Variants in CFAP47 observed in about 807,000 individuals in gnomAD.
The protein encoded by CFAP47 is cilia- and flagella-associated protein 47.
CFAP47 carries 29 observed loss-of-function variants against 148.1 expected under a neutral mutation model. That is an observed-to-expected ratio of 0.20 (90% CI 0.15 to 0.27). The LOEUF is 0.27. Ranked by LOEUF, CFAP47 falls within the 10% of genes least tolerant of loss-of-function variation. The pLI is 1.00. For synonymous variants in CFAP47, 664 were observed against 577.3 expected (o/e 1.15, Z -2.15); for missense variants, 1,872 against 1,697.5 (o/e 1.10, Z -1.81).
chrX:36,099,426 T>C (rs1938334797), intron 31 of CFAP47, among the ~76,000 whole-genome samples: 1 of 108,764 alleles, frequency 9.2e-6, no homozygotes, highest in African/African-American at 3.3e-5. Context: ...GCCTGTTCTT[T>C]GGCACTATGC....
At chrX:36,287,650 A>G (rs1294685800) in intron 51 of CFAP47, among the ~76,000 whole-genome samples, 1 of 111,362 alleles carries the variant, frequency 9.0e-6, no homozygotes, top group African/African-American at 3.3e-5. Context: ...TTAAATGTTC[A>G]CATTTAACTG....
intron 40 of CFAP47, among the ~76,000 whole-genome samples, chrX:36,180,321 T>A (rs1398357801): frequency 1.8e-5 from 2 of 112,073 alleles, no homozygotes; most frequent in Non-Finnish European, 3.8e-5. Context: ...TTAAGTACAA[T>A]TAAAAACAAT....
intron 17 of CFAP47, among the ~76,000 whole-genome samples, chrX:35,992,412 A>G (rs1275770494): frequency 9.1e-6 from 1 of 110,191 alleles, no homozygotes; most frequent in African/African-American, 3.3e-5. Context: ...TGAAAAATGT[A>G]GTAAGACCGG....
intron 26 of CFAP47, among the ~76,000 whole-genome samples, chrX:36,055,909 AG>A (rs1937551020): frequency 9.0e-6 from 1 of 110,885 alleles, no homozygotes; most frequent in African/African-American, 3.3e-5. Context: ...TCTAATGACC[AG>A]TGATGTTGAG....
intron 22 of CFAP47, among the ~76,000 whole-genome samples, chrX:36,019,294 G>A (rs1457435332): frequency 8.9e-6 from 1 of 111,912 alleles, no homozygotes; most frequent in African/African-American, 3.2e-5. Context: ...GAGGTCCTGA[G>A]TAAACATCAC....
rs1937788036 is a variant in CFAP47 at position 36,073,223 on chromosome X, A to G, written c.4550A>G (p.Tyr1517Cys). The stretch of plus-strand genomic sequence containing the variant: ...CATGGGTCTCTGGAAAAGGAAAAAT[A>G]TGAACAATTCCTTTCTCTTGAGGAA... Reference protein sequence around the residue: ...EDHGSLEKEKYEQFLSLEEGT... With the variant: ...EDHGSLEKEKCEQFLSLEEGT... The change falls in exon 29 of 64, where the codon TAT (tyrosine) becomes TGT (cysteine). Residue 1517 changes from tyrosine (Y) to cysteine (C), a missense_variant. Tyr to Cys is a radical substitution (Grantham distance 194). Coordinates refer to ENST00000378653, the MANE Select transcript of CFAP47 (RefSeq NM_001304548.2). 8.3e-7 allele frequency: 1 copy of G among 1,207,649 alleles called. No individual in the cohort carries two copies. Among genetic ancestry groups the G allele is most frequent in the Non-Finnish European group, 1.1e-6 (1 of 893,392 alleles).
At chrX:36,256,585 C>CT (rs1289806194) in intron 49 of CFAP47, among the ~76,000 whole-genome samples, 1 of 111,448 alleles carries the variant, frequency 9.0e-6, no homozygotes, top group Non-Finnish European at 1.9e-5. Context: ...ATCAGCTTAG[C>CT]TTTTTTTCAG....
intron 3 of CFAP47, among the ~76,000 whole-genome samples, chrX:35,943,652 G>T (rs1936044044): frequency 9.0e-6 from 1 of 111,278 alleles, no homozygotes; most frequent in Non-Finnish European, 1.9e-5. Context: ...GTACTTTGTA[G>T]GTTAATAAAT....
intron 15 of CFAP47, among the ~76,000 whole-genome samples, chrX:35,976,905 C>A (rs1936579302): frequency 9.0e-6 from 1 of 111,530 alleles, no homozygotes; most frequent in Non-Finnish European, 1.9e-5. Flanking sequence ...TTCTGCCATT[C>A]CCTGGAGTCT....
chrX:36,070,667 T>G (rs932144050), intron 27 of CFAP47, among the ~76,000 whole-genome samples: 1 of 110,115 alleles, frequency 9.1e-6, no homozygotes, highest in African/African-American at 3.3e-5. Flanking sequence ...AATTTTTGTA[T>G]TTTTACTAGA....
chrX:36,241,876 C>T (rs1207354748), intron 48 of CFAP47, among the ~76,000 whole-genome samples: 3 of 111,980 alleles, frequency 2.7e-5, no homozygotes, highest in South Asian at 3.7e-4. Context: ...AATGTGGGTG[C>T]AGTGCCAGTA....
In CFAP47 at chrX:36,104,522, G is replaced by A. The variant is rs760091739; in HGVS notation, c.5151G>A (p.Val1717=). ...IYKVLVLSRV[V]PYCSNNMPPI... ...AGGTTTTGGTTCTATCCCGTGTAGT[G>A]CCATACTGCAGCAATAATATGCCCC... The change falls in exon 33 of 64, where the codon GTG becomes GTA. Residue 1717 remains valine (V), a synonymous_variant. Transcript: ENST00000378653. The A allele has an allele frequency of 1.0e-5, 10 of 959,969 alleles. No individual in the cohort carries two copies. The highest frequency in any genetic ancestry group is 4.2e-6 in the Non-Finnish European group (3 of 706,653). 79.1% of individuals were successfully genotyped at this position (959,969 alleles called of 1,213,427 possible).
Position 36,085,505 on chromosome X carries a change from A to T in CFAP47, c.4883A>T (p.His1628Leu). 5 of 1,197,676 alleles carry T rather than the reference A, an allele frequency of 4.2e-6. No homozygotes were observed. Among genetic ancestry groups the T allele is most frequent in the Non-Finnish European group, 5.7e-6 (5 of 883,896 alleles). ...CATGAAAAAAGGGTAATTCAACTCC[A>T]TTTGCAACATTCCTCACTTCTGGAC... Reference protein sequence around the residue: ...DNHEKRVIQLHLQHSSLLDFL... With the variant: ...DNHEKRVIQLLLQHSSLLDFL... The change falls in exon 30 of 64, where the codon CAT becomes CTT. Residue 1628 changes from histidine (H) to leucine (L), a missense_variant. Coordinates refer to ENST00000378653, the MANE Select transcript of CFAP47 (RefSeq NM_001304548.2).
chrX:36,274,802 T>A (rs2146940089), intron 49 of CFAP47, among the ~76,000 whole-genome samples: 1 of 112,107 alleles, frequency 8.9e-6, no homozygotes, highest in East Asian at 2.8e-4. Context: ...ATATTTTTTC[T>A]TTCTAATTTG....
chrX:36,177,831 G>T (rs760405422), intron 39 of CFAP47, among the ~76,000 whole-genome samples: 1 of 111,699 alleles, frequency 9.0e-6, no homozygotes, highest in Admixed American at 9.5e-5. Context: ...GTAATAGTGG[G>T]TATATACCCA....
At chrX:35,931,466 C>T (rs1015384015) in intron 2 of CFAP47, among the ~76,000 whole-genome samples, 1 of 109,892 alleles carries the variant, frequency 9.1e-6, no homozygotes, top group Non-Finnish European at 1.9e-5. Flanking sequence ...CAATGGTTCC[C>T]TTCCCCATAT....
rs1457459959 is a variant in CFAP47, at chrX:36,236,034, A to T, written c.7115A>T (p.Glu2372Val). ...DLHVGPDEIVEYPLTFKPIFE... is the reference protein window; with the variant it reads ...DLHVGPDEIVVYPLTFKPIFE... ...CATGTTGGACCAGATGAAATTGTGG[A>T]GTATCCTCTCACATTCAAACCTATT... The change falls in exon 47 of 64, where the codon GAG (glutamate) becomes GTG (valine). Residue 2372 changes from glutamate to valine, a missense_variant. Transcript: ENST00000378653. 3.9e-6 allele frequency: 2 copies of T among 514,805 alleles called. No individual in the cohort carries two copies. The highest frequency in any genetic ancestry group is 3.5e-6 in the Non-Finnish European group (1 of 282,900). 42.4% of individuals were successfully genotyped at this position (514,805 alleles called of 1,213,427 possible).
intron 55 of CFAP47, among the ~76,000 whole-genome samples, chrX:36,308,142 A>G (rs1255420347): frequency 1.8e-5 from 2 of 111,557 alleles, no homozygotes; most frequent in Non-Finnish European, 3.8e-5. Context: ...TCAGTTCTGT[A>G]TCTTAATAGC....
intron 26 of CFAP47, among the ~76,000 whole-genome samples, chrX:36,060,311 T>C (rs193290870): frequency 9.0e-6 from 1 of 111,580 alleles, no homozygotes; most frequent in East Asian, 2.8e-4. Flanking sequence ...GAAACTTCAT[T>C]TGAAACAGCA....
Sources: allele counts gnomAD v4.1 joint callset (sites outside exome capture counted in the v4.1 genomes callset), GRCh38; gene constraint gnomAD v4.1.1; transcripts MANE v1.5; gene names NCBI Gene and HGNC (gene_info 2026-07-23, HGNC 2026-07-21).